Variants in ASB4 observed in about 807,000 individuals in gnomAD.
The protein encoded by ASB4 is ankyrin repeat and SOCS box containing 4.
Under a neutral mutation model 38.6 loss-of-function variants are expected in ASB4, and 35 were observed. The ratio of observed to expected loss-of-function variants is 0.91; its 90% CI spans 0.69 to 1.20. The LOEUF is 1.20. Among genes scored for constraint, ASB4 ranks in the 50% most tolerant of loss-of-function variants. The probability of loss-of-function intolerance (pLI) is 0.00; values close to 1 mark genes in which losing one functional copy is unlikely to be tolerated. For missense variants in ASB4, 557 were observed against 527.2 expected, an observed-to-expected ratio of 1.06 and a Z score of -0.55; for synonymous variants, 195 against 201.3, an observed-to-expected ratio of 0.97 and a Z score of 0.26.
chr7:95,491,537 T>G (rs569807941), intron 1 of ASB4, among the ~76,000 whole-genome samples: 3 of 152,322 alleles, frequency 2.0e-5, no homozygotes, highest in Admixed American at 1.3e-4. Context: ...AATCACATTC[T>G]AGGTTTCGAA....
At chr7:95,521,882 C>T (rs1790668230) in intron 2 of ASB4, among the ~76,000 whole-genome samples, 1 of 151,810 alleles carries the variant, frequency 6.6e-6, no homozygotes, top group South Asian at 2.1e-4. Flanking sequence ...ACAGTAGTTA[C>T]CTCTGTGGAG....
chr7:95,527,618 G>A (rs903822480), intron 2 of ASB4, among the ~76,000 whole-genome samples, 195 bp from the exon 3 acceptor site: 2 of 152,150 alleles, frequency 1.3e-5, no homozygotes, highest in Admixed American at 6.5e-5. Context: ...TCCAGGAGAT[G>A]GCACTGTTGC....
intron 2 of ASB4, among the ~76,000 whole-genome samples, chr7:95,516,064 A>G (rs531009982): frequency 2.6e-5 from 4 of 152,332 alleles, no homozygotes; most frequent in Non-Finnish European, 4.4e-5. Flanking sequence ...CAGAACAGAC[A>G]GAATTTTGTC....
At chr7:95,549,301 A>ATTTTTTTTTTTTTTTTTTTTTT in the ASB4 span, among the ~76,000 whole-genome samples, 17 of 114,858 alleles carry the variant, frequency 1.5e-4, 2 homozygotes, top group African/African-American at 4.8e-4. Context: ...AGGAGACTCC[A>ATTTTTTTTTTTTTTTTTTTTTT]TTTTTTTTTT....
chr7:95,541,279 T>C (rs80189239), downstream of ASB4, among the ~76,000 whole-genome samples: 3,532 of 152,274 alleles, frequency 0.023, 138 homozygotes, highest in African/African-American at 0.08. Context: ...AGGATTGTTT[T>C]GAGGGTTAAG....
At chr7:95,497,826 T>A (rs999845536) in intron 2 of ASB4, among the ~76,000 whole-genome samples, 1 of 152,174 alleles carries the variant, frequency 6.6e-6, no homozygotes, top group African/African-American at 2.4e-5. Flanking sequence ...GCATAATACA[T>A]TTGAGATCCA....
intron 2 of ASB4, among the ~76,000 whole-genome samples, chr7:95,515,529 C>T (rs1459872390): frequency 6.6e-6 from 1 of 151,496 alleles, no homozygotes; most frequent in African/African-American, 2.4e-5. Context: ...GATTCTCTTG[C>T]CTCAGCCTCC....
intron 1 of ASB4, among the ~76,000 whole-genome samples, chr7:95,490,831 C>T (rs1488230820): frequency 6.6e-6 from 1 of 152,266 alleles, no homozygotes; most frequent in Non-Finnish European, 1.5e-5. Context: ...CGTGCACACA[C>T]ACACGATTAG....
At chr7:95,494,586 C>T (rs929144379) in intron 1 of ASB4, among the ~76,000 whole-genome samples, 17 of 152,292 alleles carry the variant, frequency 1.1e-4, no homozygotes, top group Admixed American at 5.9e-4. Context: ...GTAACTTCTA[C>T]GCTGTGACTG....
At chr7:95,495,242 T>G (rs556522383) in intron 1 of ASB4, among the ~76,000 whole-genome samples, 1 of 152,158 alleles carries the variant, frequency 6.6e-6, no homozygotes, top group Non-Finnish European at 1.5e-5. Flanking sequence ...ATAATTTTTT[T>G]AAAAAGATTA....
At position 95,496,073 on chromosome 7, in the gene ASB4, T is replaced by G. The variant is rs898160085; in HGVS notation, c.487+16T>G. On this transcript the variant is annotated intron_variant, in intron 2 of 4. Transcript: ENST00000325885. ...GTTTGGAGAGGTAAGCCTTTCTGGG[T>G]GGCCAACATTGTTGTCTGCTTGTAC... 5.6e-6 allele frequency: 9 copies of G among 1,602,632 alleles called. No homozygotes were observed. The highest frequency in any genetic ancestry group is 1.9e-4 in the Middle Eastern group (1 of 5,274).
chr7:95,471,402 G>A, the ASB4 span, among the ~76,000 whole-genome samples: 9 of 152,270 alleles, frequency 5.9e-5, no homozygotes, highest in Non-Finnish European at 1.0e-4. Context: ...ATCAAGAGTG[G>A]TTGCTTCAGG....
chr7:95,514,450 T>C (rs1790526949), intron 2 of ASB4, among the ~76,000 whole-genome samples: 1 of 152,218 alleles, frequency 6.6e-6, no homozygotes, highest in Non-Finnish European at 1.5e-5. Flanking sequence ...TTCTATTAAT[T>C]ACATCATAAA....
chr7:95,535,287 G>A (rs542311881), intron 3 of ASB4, among the ~76,000 whole-genome samples: 1 of 152,326 alleles, frequency 6.6e-6, no homozygotes, highest in South Asian at 2.1e-4. Flanking sequence ...ATAGGTTGAG[G>A]TTGATACGGT....
Position 95,528,170 on chromosome 7 carries a change from A to C in ASB4, c.845A>C (p.Asp282Ala), listed in dbSNP as rs1278883399. The C allele has an allele frequency of 6.2e-7, 1 of 1,614,186 alleles. No individual in the cohort carries two copies. Among genetic ancestry groups the C allele is most frequent in the Non-Finnish European group, 8.5e-7 (1 of 1,180,036 alleles). The change falls in exon 3 of 5, where the codon GAT becomes GCT. Residue 282 changes from aspartate to alanine, a missense_variant. Asp to Ala is a moderately radical substitution (Grantham distance 126). Coordinates refer to ENST00000325885, the MANE Select transcript of ASB4 (RefSeq NM_016116.3). The part of the protein sequence containing the change: ...LEAGAEANLM[D>A]INGCAAIQYV... Reference sequence around the variant, plus strand: ...GCTGGCGCCGAAGCCAATCTCATGGATATCAACGGCTGTGCTGCCATCCAG... The same window carrying C: ...GCTGGCGCCGAAGCCAATCTCATGGCTATCAACGGCTGTGCTGCCATCCAG...
chr7:95,524,491 C>T (rs985027462), intron 2 of ASB4, among the ~76,000 whole-genome samples: 1 of 117,270 alleles, frequency 8.5e-6, no homozygotes, highest in African/African-American at 3.8e-5. Flanking sequence ...GATGGCTTTA[C>T]AATAATTAAA....
chr7:95,488,749 A>G (rs974348949), intron 1 of ASB4, among the ~76,000 whole-genome samples: 1 of 152,246 alleles, frequency 6.6e-6, no homozygotes, highest in African/African-American at 2.4e-5. Flanking sequence ...AAGTGCATAA[A>G]TAAGTGTGCA....
the ASB4 span, among the ~76,000 whole-genome samples, chr7:95,471,332 C>T: frequency 6.6e-6 from 1 of 152,172 alleles, no homozygotes; most frequent in African/African-American, 2.4e-5. Flanking sequence ...CACGCTTCCT[C>T]ATTTGCAAAA....
chr7:95,496,644 C>T lies in ASB4; in HGVS notation c.487+587C>T, dbSNP rs145180623. The stretch of plus-strand genomic sequence containing the variant: ...AGAGGATCACTTGAGCCCAGGAGTT[C>T]GAGACCAGTCTCGGCAACATAGGGA... On this transcript the variant is annotated intron_variant, in intron 2 of 4. Coordinates refer to ENST00000325885, the MANE Select transcript of ASB4 (RefSeq NM_016116.3). Among the ~76,000 whole-genome samples, 1,338 of 152,050 alleles carry T rather than the reference C, an allele frequency of 8.8e-3. 22 individuals carry two copies. The highest frequency in any genetic ancestry group is 0.03 in the African/African-American group (1,249 of 41,478).
Sources: allele counts gnomAD v4.1 joint callset (sites outside exome capture counted in the v4.1 genomes callset), GRCh38; gene constraint gnomAD v4.1.1; transcripts MANE v1.5; gene names NCBI Gene and HGNC (gene_info 2026-07-23, HGNC 2026-07-21).